Variants in RBM25 observed in about 807,000 individuals in gnomAD.
RBM25 encodes the protein RNA binding motif protein 25.
Under a neutral mutation model 120.7 loss-of-function variants are expected in RBM25, and 19 were observed. The ratio of observed to expected loss-of-function variants is 0.16; its 90% confidence interval spans 0.11 to 0.23. The LOEUF is 0.23. Ranked by LOEUF, RBM25 falls within the 10% of genes least tolerant of loss-of-function variation. The pLI is 1.00. For missense variants in RBM25, 605 were observed against 1,041.5 expected, an observed-to-expected ratio of 0.58 and a Z score of 5.77; for synonymous variants, 390 against 326.7, an observed-to-expected ratio of 1.19 and a Z score of -2.09.
At chr14:73,090,448 C>G (rs1415434171) in intron 6 of RBM25, among the ~76,000 whole-genome samples, 1 of 152,214 alleles carries the variant, frequency 6.6e-6, no homozygotes, top group Non-Finnish European at 1.5e-5. Context: ...GCATGTACCT[C>G]CACAGTCTTC....
intron 5 of RBM25, among the ~76,000 whole-genome samples, chr14:73,085,447 T>C (rs1481565490): frequency 6.7e-6 from 1 of 148,908 alleles, no homozygotes; most frequent in African/African-American, 2.4e-5. Flanking sequence ...TTAGAGGCAT[T>C]TTTGTTGTTC....
intron 4 of RBM25, among the ~76,000 whole-genome samples, chr14:73,080,891 C>T (rs889040902): frequency 2.0e-5 from 3 of 149,334 alleles, no homozygotes; most frequent in African/African-American, 7.5e-5. Flanking sequence ...GTGGCGTGAT[C>T]TCAGCTCACT....
At chr14:73,064,038 T>G (rs1443514492) in intron 1 of RBM25, among the ~76,000 whole-genome samples, 1 of 151,370 alleles carries the variant, frequency 6.6e-6, no homozygotes, top group African/African-American at 2.4e-5. Flanking sequence ...TTCCCCCAGA[T>G]ATGAATAGGG....
chr14:73,109,887 A>T (rs886448954), intron 14 of RBM25, among the ~76,000 whole-genome samples: 39 of 150,994 alleles, frequency 2.6e-4, no homozygotes, highest in African/African-American at 8.3e-4. Context: ...TTTTATTTTT[A>T]TTTATTTATT....
intron 2 of RBM25, among the ~76,000 whole-genome samples, chr14:73,075,866 G>A (rs963001496): frequency 8.1e-5 from 12 of 148,588 alleles, no homozygotes; most frequent in Admixed American, 2.7e-4. Context: ...GGCAGATCTC[G>A]ATCTCCTGGG....
intron 9 of RBM25, chr14:73,102,816 T>C: frequency 5.7e-6 from 1 of 176,828 alleles, no homozygotes; most frequent in Non-Finnish European, 1.2e-5. Context: ...AATAATCTTG[T>C]GGATTTACAG....
intron 17 of RBM25, among the ~76,000 whole-genome samples, chr14:73,113,430 C>T (rs1896356837): frequency 6.6e-6 from 1 of 151,738 alleles, no homozygotes; most frequent in Non-Finnish European, 1.5e-5. Flanking sequence ...GTGGCCCACG[C>T]CTTGTAATTC....
Position 73,105,977 on chromosome 14 carries a change from A to G in RBM25, c.1273A>G (p.Arg425Gly). Residue 425 changes from arginine (R) to glycine (G), a missense_variant, in exon 11 of 19, where the codon AGA becomes GGA. By Grantham distance (125) the Arg-to-Gly change is moderately radical. Around this residue, in one of 4 missense-constraint regions of RBM25, gnomAD observed 465 missense variants for 741.6 expected, o/e 0.63. Coordinates refer to ENST00000261973, the MANE Select transcript of RBM25 (RefSeq NM_021239.3). ...REREREREREREKDKKRDREE... is the reference protein window; with the variant it reads ...REREREREREGEKDKKRDREE... The stretch of plus-strand genomic sequence containing the variant: ...GCGAGAGAGGGAACGGGAGCGAGAA[A>G]GAGAAAAAGACAAAAAACGGGACCG... 1 of 1,614,082 alleles carries G rather than the reference A, an allele frequency of 6.2e-7. No individual in the cohort carries two copies. Among genetic ancestry groups the G allele is most frequent in the Non-Finnish European group, 8.5e-7 (1 of 1,180,006 alleles).
At chr14:73,109,924 G>A (rs895424254) in intron 14 of RBM25, among the ~76,000 whole-genome samples, 11 of 151,498 alleles carry the variant, frequency 7.3e-5, no homozygotes, top group African/African-American at 1.5e-4. Flanking sequence ...TCGCTGTGTC[G>A]CCCAGGCTGG....
At chr14:73,075,744 A>G (rs1274893497) in intron 2 of RBM25, among the ~76,000 whole-genome samples, 2 of 151,614 alleles carry the variant, frequency 1.3e-5, no homozygotes, top group African/African-American at 4.8e-5. Flanking sequence ...TATTTTCAAG[A>G]ATATAGTACA....
intron 1 of RBM25, among the ~76,000 whole-genome samples, chr14:73,061,460 T>G (rs1434596798): frequency 6.6e-6 from 1 of 151,448 alleles, no homozygotes; most frequent in Admixed American, 6.6e-5. Flanking sequence ...AAGTTATGCA[T>G]CCATTACCCC....
chr14:73,070,984 G>A (rs558515390), intron 1 of RBM25, among the ~76,000 whole-genome samples: 2 of 148,318 alleles, frequency 1.3e-5, no homozygotes, highest in East Asian at 4.0e-4. Flanking sequence ...GCTCACGCCT[G>A]TAATCCCAGC....
chr14:73,112,980 T>TC (rs1277917941), intron 17 of RBM25, among the ~76,000 whole-genome samples: 1 of 152,058 alleles, frequency 6.6e-6, no homozygotes, highest in Admixed American at 6.6e-5. Context: ...ATTTTTTTTT[T>TC]CTTTTTTTGT....
intron 1 of RBM25, among the ~76,000 whole-genome samples, chr14:73,063,850 GT>G (rs1895063720): frequency 6.6e-6 from 1 of 151,186 alleles, no homozygotes; most frequent in Non-Finnish European, 1.5e-5. Flanking sequence ...AAACTAAAAT[GT>G]TTATTTACAT....
rs146443665 is a variant in RBM25, at chr14:73,106,024, A to G, written c.1320A>G (p.Ala440=). 300 of 1,612,644 alleles carry G rather than the reference A, an allele frequency of 1.9e-4. 1 individual carries two copies. Among genetic ancestry groups the G allele is most frequent in the Non-Finnish European group, 2.4e-4 (281 of 1,179,724 alleles). Residue 440 remains alanine, a synonymous_variant, in exon 11 of 19, where the codon GCA becomes GCG. Coordinates refer to ENST00000261973, the MANE Select transcript of RBM25 (RefSeq NM_021239.3). ...ACCGAGAAGAAGATGAAGAAGATGCATACGAACGAAGAAAACTTGAAAGAA... is the reference window on the plus strand; with the variant it reads ...ACCGAGAAGAAGATGAAGAAGATGCGTACGAACGAAGAAAACTTGAAAGAA... ...KRDREEDEED[A]YERRKLERKL...
intron 5 of RBM25, among the ~76,000 whole-genome samples, chr14:73,084,719 A>G (rs993087104): frequency 6.6e-6 from 1 of 151,298 alleles, no homozygotes; most frequent in South Asian, 2.1e-4. Context: ...TGCCCGGCTA[A>G]TTTTTTATTT....
chr14:73,107,959 C>T (rs551523211), intron 13 of RBM25, 60 bp downstream of exon 13: 3 of 1,178,322 alleles, frequency 2.5e-6, no homozygotes, highest in East Asian at 4.9e-5. Flanking sequence ...GTTTTTCCAT[C>T]TGCACAGTTG....
At position 73,062,523 on chromosome 14, in the gene RBM25, A is replaced by G. The variant is rs767447410; in HGVS notation, c.-16+3818A>G. Reference sequence around the variant, plus strand: ...TTCTATCTGGATAAGTCTACAATAGAGGAATGCTTATTAGCAGTGTTTTGC... The same window carrying G: ...TTCTATCTGGATAAGTCTACAATAGGGGAATGCTTATTAGCAGTGTTTTGC... On this transcript the variant is annotated intron_variant, in intron 1 of 18. Transcript: ENST00000261973. 7.9e-5 allele frequency among the ~76,000 whole-genome samples: 12 copies of G among 151,484 alleles called. 1 individual carries two copies. The highest frequency in any genetic ancestry group is 1.8e-4 in the Non-Finnish European group (12 of 67,588).
At chr14:73,106,330 A>C (rs756087938) in intron 12 of RBM25, 45 bp downstream of exon 12, 1 of 1,467,200 alleles carries the variant, frequency 6.8e-7, no homozygotes, top group Non-Finnish European at 9.2e-7. Flanking sequence ...GTAAAAAGTC[A>C]GATTGTATCT....
Sources: gnomAD v4.1 joint callset for allele counts (sites outside exome capture counted in the v4.1 genomes callset) on GRCh38, gnomAD v4.1.1 for gene constraint, gnomAD v4.1.1 regional missense constraint, MANE v1.5 for transcripts, NCBI Gene and HGNC (gene_info 2026-07-23, HGNC 2026-07-21) for gene names.